Variants in ARNT2 observed in about 807,000 individuals in gnomAD.
ARNT2 encodes aryl hydrocarbon receptor nuclear translocator 2, also known as ARNT protein 2.
In ARNT2, 36 loss-of-function variants were observed where a neutral mutation model predicts 91.7. The ratio of observed to expected loss-of-function variants is 0.39; its 90% confidence interval spans 0.30 to 0.52. The LOEUF is 0.52. Ranked by LOEUF, ARNT2 falls within the 20% of genes least tolerant of loss-of-function variation. ARNT2 has a pLI of 0.72. For synonymous variants in ARNT2, 365 were observed against 347.1 expected, an observed-to-expected ratio of 1.05 and a Z score of -0.57; for missense variants, 775 against 939.3, an observed-to-expected ratio of 0.83 and a Z score of 2.29.
At chr15:80,558,864 AG>A (rs1201882967) in intron 11 of ARNT2, among the ~76,000 whole-genome samples, 3 of 152,236 alleles carry the variant, frequency 2.0e-5, no homozygotes, top group Admixed American at 6.5e-5. Context: ...TTTAGCAGTC[AG>A]GTTTGGGCTG....
chr15:80,417,369 G>A (rs1016621062), intron 1 of ARNT2, among the ~76,000 whole-genome samples: 3 of 152,218 alleles, frequency 2.0e-5, no homozygotes, highest in Admixed American at 1.3e-4. Flanking sequence ...AAACAAATTT[G>A]CGTTTTACTG....
chr15:80,432,790 A>C (rs1232175454), intron 1 of ARNT2, among the ~76,000 whole-genome samples: 8 of 152,074 alleles, frequency 5.3e-5, no homozygotes. Flanking sequence ...CTCCTGTGCT[A>C]GGAAATCCCA....
At chr15:80,557,320 T>C in intron 11 of ARNT2, among the ~76,000 whole-genome samples, 1 of 152,094 alleles carries the variant, frequency 6.6e-6, no homozygotes, top group East Asian at 1.9e-4. Context: ...GGATCTCCCC[T>C]TGGCTGCCTT....
At chr15:80,438,697 T>C (rs926177843) in intron 1 of ARNT2, among the ~76,000 whole-genome samples, 4 of 152,190 alleles carry the variant, frequency 2.6e-5, no homozygotes, top group Non-Finnish European at 5.9e-5. Flanking sequence ...TTGCCTCTTT[T>C]TTGGGGTGGG....
intron 15 of ARNT2, among the ~76,000 whole-genome samples, chr15:80,577,999 C>T (rs1488297747): frequency 6.6e-6 from 1 of 152,236 alleles, no homozygotes; most frequent in Non-Finnish European, 1.5e-5. Context: ...CGCTGCTCTG[C>T]TGAGCAATAG....
chr15:80,534,493 A>G (rs1348890669), intron 8 of ARNT2, among the ~76,000 whole-genome samples: 1 of 152,192 alleles, frequency 6.6e-6, no homozygotes, highest in East Asian at 1.9e-4. Context: ...TCCAACCCCT[A>G]AAAACCAATT....
At chr15:80,513,721 CA>C (rs36113299) in intron 6 of ARNT2, among the ~76,000 whole-genome samples, 189 bp from the exon 7 acceptor site, 3,318 of 100,856 alleles carry the variant, frequency 0.033, 55 homozygotes, top group African/African-American at 0.078. Flanking sequence ...TCTTCAGTCA[CA>C]AAAAAAAAAA....
intron 8 of ARNT2, among the ~76,000 whole-genome samples, chr15:80,519,082 T>C (rs1897490088): frequency 2.0e-5 from 3 of 152,204 alleles, no homozygotes; most frequent in Admixed American, 2.0e-4. Flanking sequence ...ATTCATTCAT[T>C]CAACACGTAT....
chr15:80,579,551 G>A (rs377390287), intron 15 of ARNT2, among the ~76,000 whole-genome samples: 3 of 152,084 alleles, frequency 2.0e-5, no homozygotes, highest in Non-Finnish European at 2.9e-5. Flanking sequence ...TCTGTGATGA[G>A]CCCCATTCTG....
intron 8 of ARNT2, among the ~76,000 whole-genome samples, chr15:80,537,373 C>T (rs950000319): frequency 3.9e-5 from 6 of 152,162 alleles, no homozygotes; most frequent in Non-Finnish European, 5.9e-5. Context: ...CCCAGTTATA[C>T]CCCCTGCAGT....
rs60138286 is a variant in ARNT2, at chr15:80,522,760, C to CATATATATATATATATAT, written c.877+8358_877+8375dup. ...TAATGACTGTGTGACTGTACATACA[C>CATATATATATATATATAT]ATATATATATATATATATATCTGTT... On this transcript the variant is annotated intron_variant, in intron 8 of 18. Transcript: ENST00000303329. Among the ~76,000 whole-genome samples the CATATATATATATATATAT allele has an allele frequency of 1.6e-3, 229 of 144,488 alleles. 1 individual carries two copies. The highest frequency in any genetic ancestry group is 5.7e-3 in the African/African-American group (221 of 38,838). The allele number at this position is 144,488 out of a possible 152,430, so 94.8% of individuals were successfully genotyped here. A position where few individuals can be genotyped will look rare whatever the true frequency, so the allele number is the denominator to read the frequency against.
intron 8 of ARNT2, among the ~76,000 whole-genome samples, chr15:80,536,116 C>T (rs978913148): frequency 3.9e-5 from 6 of 152,138 alleles, no homozygotes; most frequent in South Asian, 4.1e-4. Context: ...ACCCGAGGTT[C>T]GTTGCCTCAT....
intron 14 of ARNT2, among the ~76,000 whole-genome samples, chr15:80,575,830 G>T (rs1166073555): frequency 1.3e-5 from 2 of 152,200 alleles, no homozygotes; most frequent in Non-Finnish European, 2.9e-5. Context: ...GGTGGCCAGG[G>T]GTAGCTGAGT....
At chr15:80,563,938 C>G (rs1179092172) in intron 12 of ARNT2, among the ~76,000 whole-genome samples, 2 of 152,218 alleles carry the variant, frequency 1.3e-5, no homozygotes, top group Non-Finnish European at 2.9e-5. Flanking sequence ...CTTGGTTCAA[C>G]TTCCAGCACA....
intron 3 of ARNT2, among the ~76,000 whole-genome samples, chr15:80,462,325 G>A (rs529648201): frequency 6.6e-6 from 1 of 152,284 alleles, no homozygotes; most frequent in African/African-American, 2.4e-5. Flanking sequence ...ACATCCCAGA[G>A]CTGTCATCAA....
rs142244391 is a variant in ARNT2, at chr15:80,566,674, T to C, written c.1316+3435T>C. On this transcript the variant is annotated intron_variant, in intron 12 of 18. Transcript: ENST00000303329. The stretch of plus-strand genomic sequence containing the variant: ...GCTTTGGCCCTGAAGGTATTGAAAT[T>C]GTTGTCCCAGCAGCCTCGGATAACT... 2.8e-4 allele frequency among the ~76,000 whole-genome samples: 43 copies of C among 152,336 alleles called. No individual in the cohort carries two copies. In the Middle Eastern group the frequency reaches 0.01, roughly 36 times the overall value.
Position 80,569,444 on chromosome 15 carries a change from A to G in ARNT2, c.1317-4704A>G, listed in dbSNP as rs143175220. Among the ~76,000 whole-genome samples, 12 of 152,216 alleles carry G rather than the reference A, an allele frequency of 7.9e-5. No homozygotes were observed. In the East Asian group the frequency reaches 2.3e-3, roughly 29 times the overall value. On this transcript the variant is annotated intron_variant, in intron 12 of 18. Coordinates refer to ENST00000303329, the MANE Select transcript of ARNT2 (RefSeq NM_014862.4). ...TGCAAGCACACCGAGGTTTATTTTT[A>G]TACCATTGCCGTGAAATGTCTGAGA...
At chr15:80,497,809 A>G (rs1566987493) in intron 5 of ARNT2, among the ~76,000 whole-genome samples, 1 of 152,222 alleles carries the variant, frequency 6.6e-6, no homozygotes, top group Non-Finnish European at 1.5e-5. Context: ...TTATAAGTAT[A>G]TTCTTCCTGA....
chr15:80,516,232 C>T (rs749900974), intron 8 of ARNT2, among the ~76,000 whole-genome samples: 3 of 152,162 alleles, frequency 2.0e-5, no homozygotes, highest in Non-Finnish European at 2.9e-5. Flanking sequence ...TTGAGGGCAA[C>T]TATGTTTTTA....
Sources: gnomAD v4.1 joint callset for allele counts (sites outside exome capture counted in the v4.1 genomes callset) on GRCh38, gnomAD v4.1.1 for gene constraint, MANE v1.5 for transcripts, NCBI Gene and HGNC (gene_info 2026-07-23, HGNC 2026-07-21) for gene names.